Variants in AGBL1 observed in about 807,000 individuals in gnomAD.
AGBL1 encodes the protein cytosolic carboxypeptidase 4.
A neutral mutation model predicts 118.9 loss-of-function variants in AGBL1; 130 were observed. The ratio of observed to expected loss-of-function variants is 1.09; its 90% CI spans 0.95 to 1.26. AGBL1 has a LOEUF of 1.26. AGBL1 is among the 50% of genes most tolerant of loss of function. The pLI is 0.00. For missense variants in AGBL1, 1,584 were observed against 1,298.1 expected (o/e 1.22, Z -3.38); for synonymous variants, 555 against 478.9 (o/e 1.16, Z -2.08).
At chr15:86,585,085 G>A (rs2084226311) in intron 21 of AGBL1, among the ~76,000 whole-genome samples, 1 of 152,108 alleles carries the variant, frequency 6.6e-6, no homozygotes, top group South Asian at 2.1e-4. Flanking sequence ...AGTTTTGGTG[G>A]AGTATTTAGG....
At chr15:87,017,472 A>T (rs1310979670) in intron 24 of AGBL1, among the ~76,000 whole-genome samples, 1 of 152,024 alleles carries the variant, frequency 6.6e-6, no homozygotes, top group African/African-American at 2.4e-5. Context: ...TCACTGATTG[A>T]TAATACTTCA....
intron 17 of AGBL1, among the ~76,000 whole-genome samples, chr15:86,340,698 G>A (rs1222489102): frequency 6.6e-6 from 1 of 152,148 alleles, no homozygotes; most frequent in Non-Finnish European, 1.5e-5. Flanking sequence ...TGTTATGGTA[G>A]TCCTAGGAAA....
intron 23 of AGBL1, among the ~76,000 whole-genome samples, chr15:86,975,129 G>T (rs2081160957): frequency 6.6e-6 from 1 of 151,990 alleles, no homozygotes; most frequent in African/African-American, 2.4e-5. Context: ...ATGTCCCACA[G>T]TGGTTTCCCA....
At chr15:86,416,230 G>T (rs865816428) in intron 18 of AGBL1, among the ~76,000 whole-genome samples, 2 of 152,130 alleles carry the variant, frequency 1.3e-5, no homozygotes, top group African/African-American at 4.8e-5. Flanking sequence ...ATTTTGACAT[G>T]ACCTAAAGGG....
intron 21 of AGBL1, among the ~76,000 whole-genome samples, chr15:86,598,907 C>G (rs549622085): frequency 1.3e-4 from 20 of 152,240 alleles, no homozygotes; most frequent in African/African-American, 4.6e-4. Context: ...ATGGAGCAGA[C>G]TGACCTGAGA....
intron 18 of AGBL1, among the ~76,000 whole-genome samples, chr15:86,450,578 C>T (rs963055170): frequency 2.6e-5 from 4 of 152,166 alleles, no homozygotes; most frequent in African/African-American, 9.7e-5. Context: ...AGAATGACTA[C>T]TTACTTACCC....
rs1440822682 is a variant in AGBL1 at position 86,947,854 on chromosome 15, G to A, written c.3222-40133G>A. ...TTATCTGACGTTGTTTTTTCCTTTAGATTTTACATTAAAAATATAGTATTT... is the reference window on the plus strand; with the variant it reads ...TTATCTGACGTTGTTTTTTCCTTTAAATTTTACATTAAAAATATAGTATTT... On this transcript the variant is annotated intron_variant, in intron 23 of 24. Coordinates refer to the AGBL1 transcript ENST00000441037. Among the ~76,000 whole-genome samples, 5 of 152,056 alleles carry A rather than the reference G, an allele frequency of 3.3e-5. No individual in the cohort carries two copies. In the East Asian group the frequency reaches 7.7e-4, roughly 23 times the overall value.
At chr15:86,491,493 A>T (rs2142142561) in intron 18 of AGBL1, among the ~76,000 whole-genome samples, 1 of 152,230 alleles carries the variant, frequency 6.6e-6, no homozygotes, top group Admixed American at 6.5e-5. Flanking sequence ...ATTACAGTGC[A>T]CTTTTGATCA....
At chr15:86,444,789 C>A (rs1223242128) in intron 18 of AGBL1, among the ~76,000 whole-genome samples, 1 of 152,128 alleles carries the variant, frequency 6.6e-6, no homozygotes, top group African/African-American at 2.4e-5. Flanking sequence ...GGGCCACCCA[C>A]TCCCCATGCC....
intron 5 of AGBL1, among the ~76,000 whole-genome samples, chr15:86,224,647 G>A (rs1398385133): frequency 6.6e-6 from 1 of 152,142 alleles, no homozygotes; most frequent in Non-Finnish European, 1.5e-5. Flanking sequence ...GGAAGTTGGT[G>A]GAAGGTGGGA....
chr15:86,992,699 G>C (rs1240923524), intron 24 of AGBL1, among the ~76,000 whole-genome samples: 1 of 149,294 alleles, frequency 6.7e-6, no homozygotes, highest in Non-Finnish European at 1.5e-5. Context: ...AACCAGGATT[G>C]CAAGGAAGTC....
intron 22 of AGBL1, among the ~76,000 whole-genome samples, chr15:86,748,354 A>C (rs8029017): frequency 0.027 from 4,084 of 151,688 alleles, 185 homozygotes; most frequent in African/African-American, 0.094. Flanking sequence ...AATTTGTTTC[A>C]GTTCTTTGTG....
At chr15:86,410,722 T>C (rs889006406) in intron 18 of AGBL1, among the ~76,000 whole-genome samples, 4 of 144,218 alleles carry the variant, frequency 2.8e-5, no homozygotes, top group Admixed American at 2.2e-4. Context: ...TTTCATTTTT[T>C]AGTTTTGCAA....
At chr15:86,337,051 C>T (rs2080381914) in intron 17 of AGBL1, among the ~76,000 whole-genome samples, 1 of 152,200 alleles carries the variant, frequency 6.6e-6, no homozygotes, top group South Asian at 2.1e-4. Flanking sequence ...GAATTAGCAT[C>T]ACTCTCTAGG....
intron 22 of AGBL1, among the ~76,000 whole-genome samples, chr15:86,769,085 G>T (rs1217415250): frequency 6.6e-6 from 1 of 151,724 alleles, no homozygotes; most frequent in African/African-American, 2.4e-5. Context: ...TGGATCCAGT[G>T]AGGGCTTGAT....
chr15:86,429,269 T>A (rs540146743), intron 18 of AGBL1, among the ~76,000 whole-genome samples: 131 of 152,326 alleles, frequency 8.6e-4, no homozygotes, highest in Non-Finnish European at 1.1e-3. Flanking sequence ...AAATGTGGGA[T>A]CTTGGCCTCT....
intron 17 of AGBL1, among the ~76,000 whole-genome samples, chr15:86,315,427 A>T (rs7181373): frequency 2.0e-3 from 301 of 152,226 alleles, no homozygotes; most frequent in Middle Eastern, 0.014. Context: ...AGCTTAAAAA[A>T]TTCGTGGGGC....
intron 23 of AGBL1, among the ~76,000 whole-genome samples, chr15:86,950,455 A>G (rs764366761): frequency 4.0e-5 from 6 of 151,020 alleles, no homozygotes; most frequent in Admixed American, 1.3e-4. Context: ...TTACATATAC[A>G]AAAAGAAAAT....
At chr15:86,385,066 T>C (rs1024215003) in intron 17 of AGBL1, among the ~76,000 whole-genome samples, 1 of 152,126 alleles carries the variant, frequency 6.6e-6, no homozygotes, top group African/African-American at 2.4e-5. Context: ...CCTGAGGCTA[T>C]TGAGTAATTA....
Sources: gnomAD v4.1 joint callset for allele counts (sites outside exome capture counted in the v4.1 genomes callset) on GRCh38, gnomAD v4.1.1 for gene constraint, MANE v1.5 for transcripts, NCBI Gene and HGNC (gene_info 2026-07-23, HGNC 2026-07-21) for gene names.